Variants in LRRC37A3 observed in about 807,000 individuals in gnomAD.
LRRC37A3 encodes leucine rich repeat containing 37 member A3, also known as leucine-rich repeat-containing protein 37A3.
Under a neutral mutation model 106.2 loss-of-function variants are expected in LRRC37A3, and 25 were observed. That is an observed-to-expected ratio of 0.24 (90% CI 0.17 to 0.33). The LOEUF is 0.33. LRRC37A3 is among the 10% of genes least tolerant of loss of function. LRRC37A3 has a pLI of 1.00. For missense variants in LRRC37A3, 712 were observed against 1,644.9 expected (o/e 0.43, Z 9.81); for synonymous variants, 305 against 635.8 (o/e 0.48, Z 7.83).
intron 13 of LRRC37A3, among the ~76,000 whole-genome samples, chr17:64,856,185 CT>C (rs576516722): frequency 9.9e-5 from 15 of 152,216 alleles, no homozygotes; most frequent in African/African-American, 2.2e-4. Context: ...CGCATCCCCC[CT>C]ATACTTTATT....
At chr17:64,892,286 AC>A (rs1973970856) in intron 5 of LRRC37A3, among the ~76,000 whole-genome samples, 1 of 41,172 alleles carries the variant, frequency 2.4e-5, no homozygotes, top group Non-Finnish European at 3.8e-5. Context: ...AAAAAAGAGA[AC>A]AAAAAGGAAT....
At chr17:64,917,278 A>C (rs1974727901) in intron 2 of LRRC37A3, among the ~76,000 whole-genome samples, 1 of 151,368 alleles carries the variant, frequency 6.6e-6, no homozygotes, top group Non-Finnish European at 1.5e-5. Flanking sequence ...AAACCTGAAA[A>C]TATCAAGTGC....
At chr17:64,916,176 CAGG>C (rs1974696649) in intron 2 of LRRC37A3, among the ~76,000 whole-genome samples, 2 of 152,200 alleles carry the variant, frequency 1.3e-5, no homozygotes, top group South Asian at 4.1e-4. Context: ...GAGGCCGAGG[CAGG>C]AGGATCACAA....
intron 8 of LRRC37A3, among the ~76,000 whole-genome samples, chr17:64,877,383 G>A (rs572307401): frequency 6.6e-6 from 1 of 152,080 alleles, no homozygotes; most frequent in South Asian, 2.1e-4. Flanking sequence ...TGTACTTTTA[G>A]TAGACATGGG....
chr17:64,916,321 T>C (rs1251666048), intron 2 of LRRC37A3, among the ~76,000 whole-genome samples: 1 of 150,860 alleles, frequency 6.6e-6, no homozygotes, highest in African/African-American at 2.5e-5. Flanking sequence ...AGGAGAATGG[T>C]GTGAACCCGG....
Position 64,859,762 on chromosome 17 carries a change from T to C in LRRC37A3, c.4384A>G (p.Asn1462Asp). Residue 1462 changes from asparagine (N) to aspartate (D), a missense_variant, in exon 12 of 15, where the codon AAT becomes GAT. Asn to Asp is a conservative substitution (Grantham distance 23, BLOSUM62 1). Coordinates refer to ENST00000584306, the MANE Select transcript of LRRC37A3 (RefSeq NM_199340.5). ...CCTGGGGACGAGAGCAATGGGTAAT[T>C]GAAGCTTTTGGGCTCGGGGGACAGG... The part of the protein sequence containing the change: ...TDLSPEPKSF[N>D]YPLLSSPGDQ... 1 of 1,612,844 alleles carries C rather than the reference T, an allele frequency of 6.2e-7. No individual in the cohort carries two copies.
chr17:64,901,150 T>G (rs1974298419), intron 2 of LRRC37A3: 1 of 149,050 alleles, frequency 6.7e-6, no homozygotes, highest in Admixed American at 6.6e-5. Context: ...TGAGTCATCA[T>G]GTCTGGTCTC....
In LRRC37A3 at chr17:64,855,853, C is replaced by T. The variant is rs1380244997; in HGVS notation, c.4846G>A (p.Glu1616Lys). 3 of 1,611,660 alleles carry T rather than the reference C, an allele frequency of 1.9e-6. No individual in the cohort carries two copies. The highest frequency in any genetic ancestry group is 2.2e-5 in the East Asian group (1 of 44,894). The change falls in exon 14 of 15, where the codon GAA becomes AAA. Residue 1616 changes from glutamate to lysine, a missense_variant. Glu to Lys is a moderately conservative substitution (Grantham distance 56). Transcript: ENST00000584306. ...ACTAATATTTACCTTGAGAATCCTT[C>T]TTCATCTTCTTGTAATGACCTTCGG... ...CHRRSLQEDE[E>K]GFSRDSEAPT...
chr17:64,874,992 A>AT (rs1973458922), intron 8 of LRRC37A3, among the ~76,000 whole-genome samples: 1 of 151,982 alleles, frequency 6.6e-6, no homozygotes, highest in African/African-American at 2.4e-5. Flanking sequence ...TAGGAAAACC[A>AT]GAGACCTTTG....
At chr17:64,868,636 G>T in intron 9 of LRRC37A3, 100 bp from the exon 10 acceptor site, 6 of 1,489,954 alleles carry the variant, frequency 4.0e-6, no homozygotes, top group Non-Finnish European at 5.5e-6. Context: ...GCCAGCTCAA[G>T]AGTTTATTTG....
chr17:64,919,299 A>G (rs1974778616), intron 1 of LRRC37A3, 132 bp downstream of exon 1: 1 of 625,574 alleles, frequency 1.6e-6, no homozygotes, highest in African/African-American at 2.0e-5. Flanking sequence ...GCGGCCGGGA[A>G]GGGGCGGGCG....
At chr17:64,913,337 G>GTT (rs945846426) in intron 2 of LRRC37A3, among the ~76,000 whole-genome samples, 44 of 103,762 alleles carry the variant, frequency 4.2e-4, no homozygotes, top group Admixed American at 6.1e-4. Context: ...CCTATTTTGG[G>GTT]TTTTTTTTTT....
Position 64,896,682 on chromosome 17 carries a change from G to A in LRRC37A3, c.576C>T (p.Pro192=), listed in dbSNP as rs567657007. The A allele has an allele frequency of 3.2e-4, 513 of 1,595,656 alleles. 1 individual carries two copies. In the South Asian group the frequency reaches 4.9e-3, roughly 15 times the overall value. Residue 192 remains proline (P), a synonymous_variant, in exon 4 of 15, where the codon CCC becomes CCT. Coordinates refer to ENST00000584306, the MANE Select transcript of LRRC37A3 (RefSeq NM_199340.5). Reference sequence around the variant, plus strand: ...CCCGGAGTTCTGGAGGCAGGCTACCGGGATACGGTGTATCTGTACTGGAAT... The same window carrying A: ...CCCGGAGTTCTGGAGGCAGGCTACCAGGATACGGTGTATCTGTACTGGAAT... ...NEYSSTDTPY[P]GSLPPELRVK...
chr17:64,919,060 CT>C (rs1028403744), intron 1 of LRRC37A3, among the ~76,000 whole-genome samples, 190 bp from the exon 2 acceptor site: 5 of 151,970 alleles, frequency 3.3e-5, no homozygotes, highest in African/African-American at 4.8e-5. Flanking sequence ...GCTGCCCCCC[CT>C]GGGCGAGCTC....
At position 64,859,000 on chromosome 17, in the gene LRRC37A3, C is replaced by T. The variant is rs1358343420; in HGVS notation, c.4705-117G>A. On this transcript the variant is annotated intron_variant, in intron 12 of 14. Coordinates refer to ENST00000584306, the MANE Select transcript of LRRC37A3 (RefSeq NM_199340.5). ...AGAGGGTCTCACTCTGTCACCCAGG[C>T]TGGGGTACAGTGGTGCAATCACCAT... The T allele has an allele frequency of 6.6e-6, 5 of 754,856 alleles. No individual in the cohort carries two copies. The African/African-American group carries it at 7.2e-5, about 11-fold the overall frequency. 46.8% of individuals were successfully genotyped at this position (754,856 alleles called of 1,614,324 possible).
intron 10 of LRRC37A3, among the ~76,000 whole-genome samples, chr17:64,867,848 C>A (rs907196740): frequency 6.6e-6 from 1 of 151,724 alleles, no homozygotes; most frequent in African/African-American, 2.4e-5. Flanking sequence ...CTGAGGCAGG[C>A]GGATCACTTG....
intron 14 of LRRC37A3, 114 bp downstream of exon 14, chr17:64,855,726 T>C (rs1972654757): frequency 4.5e-6 from 7 of 1,541,972 alleles, no homozygotes; most frequent in Non-Finnish European, 6.2e-6. Context: ...CGCTTGAACC[T>C]GGGAAGTGGA....
chr17:64,890,774 G>A lies in LRRC37A3; in HGVS notation c.2682-1022C>T, dbSNP rs560880423. Among the ~76,000 whole-genome samples the A allele has an allele frequency of 1.1e-4, 16 of 145,512 alleles. No individual in the cohort carries two copies. The South Asian group carries it at 3.1e-3, about 28-fold the overall frequency. ...TTGAACCCGGGAGGTGGAGGTTGCA[G>A]TGAGCCAAGATCGCACCATTGCACT... On this transcript the variant is annotated intron_variant, in intron 5 of 14. Coordinates refer to ENST00000584306, the MANE Select transcript of LRRC37A3 (RefSeq NM_199340.5).
At chr17:64,865,235 C>T (rs1330176926) in intron 10 of LRRC37A3, among the ~76,000 whole-genome samples, 1 of 152,196 alleles carries the variant, frequency 6.6e-6, no homozygotes, top group Non-Finnish European at 1.5e-5. Context: ...CCTCTGTCTC[C>T]TGTGCTCAAG....
Sources: gnomAD v4.1 joint callset for allele counts (sites outside exome capture counted in the v4.1 genomes callset) on GRCh38, gnomAD v4.1.1 for gene constraint, MANE v1.5 for transcripts, NCBI Gene and HGNC (gene_info 2026-07-23, HGNC 2026-07-21) for gene names.